Variants in NEGR1 observed in about 807,000 individuals in gnomAD.
The protein encoded by NEGR1 is neuronal growth regulator 1, also known as IgLON family member 4.
NEGR1 carries 10 observed loss-of-function variants against 40.9 expected under a neutral mutation model. The observed-to-expected ratio is 0.24, with a 90% confidence interval of 0.15 to 0.42. The LOEUF (loss-of-function observed/expected upper bound fraction) is 0.42, where lower values mean the gene tolerates loss of function less well. NEGR1 is among the 10% of genes least tolerant of loss of function. NEGR1 has a pLI of 1.00. For missense variants in NEGR1, 352 were observed against 438.9 expected, an observed-to-expected ratio of 0.80 and a Z score of 1.77; for synonymous variants, 185 against 166.8, an observed-to-expected ratio of 1.11 and a Z score of -0.84.
At chr1:72,161,202 G>A (rs1166856796) in intron 1 of NEGR1, among the ~76,000 whole-genome samples, 1 of 151,308 alleles carries the variant, frequency 6.6e-6, no homozygotes, top group African/African-American at 2.5e-5. Flanking sequence ...TACCCTAGCT[G>A]TATGGAAAAA....
intron 1 of NEGR1, among the ~76,000 whole-genome samples, chr1:72,161,676 C>CTTTTTTTTTTTT (rs779074685): frequency 7.7e-4 from 65 of 84,562 alleles, no homozygotes; most frequent in Admixed American, 1.6e-3. Flanking sequence ...TTCTTTCTTT[C>CTTTTTTTTTTTT]TTTTTTTTTT....
chr1:72,097,588 T>C (rs1427003906), intron 1 of NEGR1, among the ~76,000 whole-genome samples: 2 of 152,204 alleles, frequency 1.3e-5, no homozygotes, highest in African/African-American at 4.8e-5. Flanking sequence ...TCAAAAACGT[T>C]AACCACTAAG....
At chr1:71,771,810 C>T (rs143237916) in intron 3 of NEGR1, among the ~76,000 whole-genome samples, 76 of 150,428 alleles carry the variant, frequency 5.1e-4, no homozygotes, top group African/African-American at 1.8e-3. Context: ...ATGTCAAGTG[C>T]TAACTAGTAA....
At chr1:71,435,653 A>C (rs1024896063) in intron 6 of NEGR1, among the ~76,000 whole-genome samples, 5 of 152,164 alleles carry the variant, frequency 3.3e-5, no homozygotes, top group African/African-American at 1.2e-4. Context: ...CATGATTAGG[A>C]CTGCTCTTAT....
At chr1:71,543,739 A>C (rs1647795500) in intron 6 of NEGR1, among the ~76,000 whole-genome samples, 1 of 151,710 alleles carries the variant, frequency 6.6e-6, no homozygotes, top group Admixed American at 6.6e-5. Context: ...TTAATATAAA[A>C]AACTTTAATA....
intron 1 of NEGR1, among the ~76,000 whole-genome samples, chr1:72,126,088 A>AGTGTGTGTGT (rs72096511): frequency 0.026 from 3,406 of 129,238 alleles, 89 homozygotes; most frequent in East Asian, 0.07. Context: ...ATTAGAGAAA[A>AGTGTGTGTGT]GTATGTGTGT....
intron 6 of NEGR1, among the ~76,000 whole-genome samples, chr1:71,470,605 T>C (rs1646775956): frequency 6.6e-6 from 1 of 152,162 alleles, no homozygotes; most frequent in Non-Finnish European, 1.5e-5. Context: ...TTTTACTGCC[T>C]GATCCTTGTC....
chr1:72,170,937 G>A (rs1475369866), intron 1 of NEGR1, among the ~76,000 whole-genome samples: 6 of 152,094 alleles, frequency 3.9e-5, no homozygotes, highest in Admixed American at 3.9e-4. Context: ...CCTGGGCTTT[G>A]ACCTTCATAA....
At chr1:71,944,232 T>C (rs968265859) in intron 1 of NEGR1, among the ~76,000 whole-genome samples, 2 of 152,156 alleles carry the variant, frequency 1.3e-5, no homozygotes, top group Non-Finnish European at 2.9e-5. Context: ...AGTTGGACTT[T>C]CACCTCAGGA....
chr1:71,806,378 C>A (rs1657771344), intron 2 of NEGR1, among the ~76,000 whole-genome samples: 2 of 151,836 alleles, frequency 1.3e-5, no homozygotes, highest in Non-Finnish European at 2.9e-5. Context: ...AAGTGTAAAG[C>A]CCTATGATAA....
chr1:71,736,499 C>T (rs1570276116), intron 3 of NEGR1, among the ~76,000 whole-genome samples: 2 of 152,082 alleles, frequency 1.3e-5, no homozygotes, highest in African/African-American at 4.8e-5. Context: ...TCATAATGTG[C>T]TGCAGTAATT....
At position 71,494,845 on chromosome 1, in the gene NEGR1, T is replaced by C. The variant is rs144410796; in HGVS notation, c.941-87275A>G. Among the ~76,000 whole-genome samples, 463 of 152,206 alleles carry C rather than the reference T, an allele frequency of 3.0e-3. 1 individual carries two copies. Among genetic ancestry groups the C allele is most frequent in the Non-Finnish European group, 5.2e-3 (357 of 68,010 alleles). ...ATATTGACTGTTCACCCTTGAACAGTGTGGGTTTGAGCTGCACAGGTCCAC... is the reference window on the plus strand; with the variant it reads ...ATATTGACTGTTCACCCTTGAACAGCGTGGGTTTGAGCTGCACAGGTCCAC... On this transcript the variant is annotated intron_variant, in intron 6 of 6. Transcript: ENST00000357731.
chr1:71,836,356 G>A (rs1659027717), intron 2 of NEGR1, among the ~76,000 whole-genome samples: 1 of 151,154 alleles, frequency 6.6e-6, no homozygotes, highest in Non-Finnish European at 1.5e-5. Flanking sequence ...TTGAACCTGT[G>A]AAGCAGAGGT....
At chr1:71,722,055 T>A (rs552625046) in intron 3 of NEGR1, among the ~76,000 whole-genome samples, 11 of 152,198 alleles carry the variant, frequency 7.2e-5, no homozygotes, top group Admixed American at 7.2e-4. Flanking sequence ...ATTCTAAGCA[T>A]AACGAAATGA....
chr1:71,841,307 C>A (rs1356755260), intron 2 of NEGR1, among the ~76,000 whole-genome samples: 1 of 152,040 alleles, frequency 6.6e-6, no homozygotes, highest in Non-Finnish European at 1.5e-5. Flanking sequence ...CGTTAGGTCT[C>A]CTAGGCATGG....
intron 6 of NEGR1, among the ~76,000 whole-genome samples, chr1:71,435,055 C>T (rs1206954923): frequency 6.6e-6 from 1 of 151,926 alleles, no homozygotes; most frequent in Non-Finnish European, 1.5e-5. Flanking sequence ...TGCGCCAATG[C>T]ACTCCAGCCT....
At chr1:71,767,515 G>A (rs1656173448) in intron 3 of NEGR1, among the ~76,000 whole-genome samples, 1 of 152,074 alleles carries the variant, frequency 6.6e-6, no homozygotes, top group Non-Finnish European at 1.5e-5. Context: ...CCTATGTGTG[G>A]GCAAAGAAAT....
Position 72,152,107 on chromosome 1 carries a change from G to T in NEGR1, c.176+130212C>A, listed in dbSNP as rs369996335. 7.1e-4 allele frequency among the ~76,000 whole-genome samples: 108 copies of T among 151,760 alleles called. No individual in the cohort carries two copies. The South Asian group carries it at 0.021, about 29-fold the overall frequency. On this transcript the variant is annotated intron_variant, in intron 1 of 6. Coordinates refer to ENST00000357731, the MANE Select transcript of NEGR1 (RefSeq NM_173808.3). ...AGCTTATATGAAGCAATTTTAAAAT[G>T]ATTACATATTAGAACTTAAGCATAA... is the stretch of plus-strand genomic sequence containing the variant.
chr1:71,565,040 C>T (rs12066935), intron 6 of NEGR1, among the ~76,000 whole-genome samples: 200 of 152,104 alleles, frequency 1.3e-3, no homozygotes, highest in African/African-American at 4.1e-3. Flanking sequence ...TATTTTAAGG[C>T]GAAGAATCAG....
Sources: gnomAD v4.1 joint callset for allele counts (sites outside exome capture counted in the v4.1 genomes callset) on GRCh38, gnomAD v4.1.1 for gene constraint, MANE v1.5 for transcripts, NCBI Gene and HGNC (gene_info 2026-07-23, HGNC 2026-07-21) for gene names.